The following FBXO31 variants were observed in gnomAD, a reference collection of about 807,000 sequenced individuals.
The protein encoded by FBXO31 is F-box protein 31.
Under a neutral mutation model 54.4 loss-of-function variants are expected in FBXO31, and 24 were observed. The observed-to-expected ratio is 0.44, with a 90% confidence interval of 0.32 to 0.62. FBXO31 has a LOEUF of 0.62. Ranked by LOEUF, FBXO31 falls within the 20% of genes least tolerant of loss-of-function variation. The pLI is 0.05. For missense variants in FBXO31, 665 were observed against 787.1 expected, an observed-to-expected ratio of 0.84 and a Z score of 1.86; for synonymous variants, 388 against 335.6, an observed-to-expected ratio of 1.16 and a Z score of -1.71.
At chr16:87,383,894 G>C (rs535352285), upstream of FBXO31, 9 of 500,962 alleles carry the variant, frequency 1.8e-5, no homozygotes, top group Non-Finnish European at 2.2e-5. The surrounding 1 kb of genome is among the most constrained non-coding windows in gnomAD (Gnocchi z 4.9). Flanking sequence ...CCCCGGCCGC[G>C]CCACCCCCTC....
chr16:87,378,797 T>C (rs1339471724), intron 1 of FBXO31, among the ~76,000 whole-genome samples: 2 of 151,760 alleles, frequency 1.3e-5, no homozygotes, highest in African/African-American at 2.4e-5. Flanking sequence ...CCGTCTCTAC[T>C]AAAAAGACAA....
At chr16:87,367,840 T>A (rs1398039729) in intron 1 of FBXO31, 4 of 152,256 alleles carry the variant, frequency 2.6e-5, no homozygotes, top group Non-Finnish European at 5.9e-5. Context: ...GCCAGTCCTC[T>A]GCAAGCCATC....
At chr16:87,369,803 G>T (rs1906521036) in intron 1 of FBXO31, among the ~76,000 whole-genome samples, 1 of 151,966 alleles carries the variant, frequency 6.6e-6, no homozygotes, top group African/African-American at 2.4e-5. Flanking sequence ...TTGAGACAGG[G>T]TCTCACTTTC....
At chr16:87,374,427 T>C (rs748152084) in intron 1 of FBXO31, among the ~76,000 whole-genome samples, 1 of 152,144 alleles carries the variant, frequency 6.6e-6, no homozygotes, top group Non-Finnish European at 1.5e-5. Context: ...GTTGACTATC[T>C]TGTGATTTAT....
chr16:87,365,039 A>ATATATATATATC (rs1295264152), intron 1 of FBXO31, among the ~76,000 whole-genome samples: 2 of 113,078 alleles, frequency 1.8e-5, no homozygotes, highest in African/African-American at 6.8e-5. Flanking sequence ...ATATATATAT[A>ATATATATATATC]TCAGGCAGGC....
Position 87,339,062 on chromosome 16 carries a change from A to G in FBXO31, c.733-2798T>C, listed in dbSNP as rs540428855. On this transcript the variant is annotated intron_variant, in intron 5 of 8. Coordinates refer to ENST00000311635, the MANE Select transcript of FBXO31 (RefSeq NM_024735.5). The stretch of plus-strand genomic sequence containing the variant: ...TTCCACCATGATTTGAGGCCTCCCC[A>G]GCCACATGGAACTGTGAGTCCATGC... 2.0e-5 allele frequency among the ~76,000 whole-genome samples: 3 copies of G among 152,286 alleles called. No homozygotes were observed. The East Asian group carries it at 5.8e-4, about 29-fold the overall frequency.
chr16:87,339,356 T>G (rs372215760), intron 5 of FBXO31, among the ~76,000 whole-genome samples: 1 of 152,144 alleles, frequency 6.6e-6, no homozygotes, highest in African/African-American at 2.4e-5. Flanking sequence ...TCCCAGCTGA[T>G]GCATGAATCC....
rs139174683 is a variant in FBXO31 at position 87,333,945 on chromosome 16, G to A, written c.1338C>T (p.Phe446=). Reference sequence around the variant, plus strand: ...TGGAGCTCACGCCCACGGGCAGCACGAACGGCTGCCCCTGCCCACACTGGG... The same window carrying A: ...TGGAGCTCACGCCCACGGGCAGCACAAACGGCTGCCCCTGCCCACACTGGG... ...QPAQCGQGQP[F]VLPVGVSSRN... is the part of the protein sequence containing the mutation. The change falls in exon 8 of 9, where the codon TTC becomes TTT. Residue 446 remains phenylalanine (F), a synonymous_variant. Transcript: ENST00000311635. 244 of 1,612,346 alleles carry A rather than the reference G, an allele frequency of 1.5e-4. No homozygotes were observed. The African/African-American group carries it at 2.2e-3, about 14-fold the overall frequency.
At chr16:87,388,006 A>G (rs1907385083), upstream of FBXO31, among the ~76,000 whole-genome samples, 2 of 152,250 alleles carry the variant, frequency 1.3e-5, no homozygotes, top group South Asian at 4.1e-4. Flanking sequence ...ACAGTTGCAC[A>G]CGTTAACAGT....
In FBXO31 at chr16:87,355,251, C is replaced by T. The variant is rs949002941; in HGVS notation, c.412+5044G>A. Among the ~76,000 whole-genome samples, 17 of 152,308 alleles carry T rather than the reference C, an allele frequency of 1.1e-4. 1 individual carries two copies. The highest frequency in any genetic ancestry group is 6.8e-3 in the Middle Eastern group (2 of 294). On this transcript the variant is annotated intron_variant, in intron 2 of 8. Coordinates refer to ENST00000311635, the MANE Select transcript of FBXO31 (RefSeq NM_024735.5). Reference sequence around the variant, plus strand: ...GCGCAAGGTCCAAAGGACTTCAACACGACCAGTTAACGGCCCACGTGAATG... The same window carrying T: ...GCGCAAGGTCCAAAGGACTTCAACATGACCAGTTAACGGCCCACGTGAATG...
chr16:87,331,535 G>A, intron 8 of FBXO31, 25 bp from the exon 9 acceptor site: 2 of 1,567,158 alleles, frequency 1.3e-6, no homozygotes, highest in East Asian at 2.3e-5. Flanking sequence ...GAGGGAAACT[G>A]TGAGCTGGGG....
At position 87,334,263 on chromosome 16, in the gene FBXO31, C is replaced by A; in HGVS notation, c.1020G>T (p.Gly340=). ...KITGDPNIPA[G]QQTVEIDLRH... ...TCAGGTCGATCTCCACTGTCTGCTG[C>A]CCAGCGGGGATGTTGGGGTCGCCCT... Residue 340 remains glycine (G), a synonymous_variant, in exon 8 of 9, where the codon GGG becomes GGT. Coordinates refer to ENST00000311635, the MANE Select transcript of FBXO31 (RefSeq NM_024735.5). 1.3e-6 allele frequency: 2 copies of A among 1,592,466 alleles called. No individual in the cohort carries two copies. Among genetic ancestry groups the A allele is most frequent in the Admixed American group, 1.7e-5 (1 of 58,520 alleles).
At chr16:87,366,225 A>G (rs1906363228) in intron 1 of FBXO31, among the ~76,000 whole-genome samples, 1 of 152,224 alleles carries the variant, frequency 6.6e-6, no homozygotes, top group Non-Finnish European at 1.5e-5. Flanking sequence ...TAATCATAAC[A>G]CATCATTATT....
intron 1 of FBXO31, chr16:87,368,052 A>G (rs1482176427): frequency 6.6e-6 from 1 of 152,238 alleles, no homozygotes; most frequent in African/African-American, 2.4e-5. Context: ...GGCCACCATC[A>G]TTCTCTGTAT....
In FBXO31 at chr16:87,338,706, C is replaced by G. The variant is rs1022917757; in HGVS notation, c.733-2442G>C. 6.6e-6 allele frequency among the ~76,000 whole-genome samples: 1 copy of G among 152,094 alleles called. No homozygotes were observed. The highest frequency in any genetic ancestry group is 1.5e-5 in the Non-Finnish European group (1 of 68,014). On this transcript the variant is annotated intron_variant, in intron 5 of 8. Transcript: ENST00000311635. The surrounding 1 kb of genome is among the most constrained non-coding windows in gnomAD (Gnocchi z 4.3). The stretch of plus-strand genomic sequence containing the variant: ...GACCCACACAGAGATGCAGGGATGC[C>G]AAAGAGACTGCATTGCCCTCGAAGC...
At chr16:87,391,244 C>T (rs573425340), upstream of FBXO31, among the ~76,000 whole-genome samples, 7 of 152,266 alleles carry the variant, frequency 4.6e-5, no homozygotes, top group Admixed American at 3.3e-4. Context: ...GCGACCGAGG[C>T]CGCCGCGAGC....
At chr16:87,352,689 G>T (rs957007450) in intron 2 of FBXO31, among the ~76,000 whole-genome samples, 1 of 152,182 alleles carries the variant, frequency 6.6e-6, no homozygotes, top group Non-Finnish European at 1.5e-5. Flanking sequence ...GGCCTCACAG[G>T]AGAGCCTGGG....
intron 1 of FBXO31, among the ~76,000 whole-genome samples, chr16:87,364,458 C>T (rs1337195347): frequency 1.3e-5 from 2 of 152,194 alleles, no homozygotes; most frequent in African/African-American, 2.4e-5. Context: ...GGCCAGTTCG[C>T]GCCGACTCTT....
At position 87,345,224 on chromosome 16, in the gene FBXO31, C is replaced by CA. The variant is rs1905333188; in HGVS notation, c.490-1460dup. Among the ~76,000 whole-genome samples the CA allele has an allele frequency of 6.6e-6, 1 of 152,062 alleles. No individual in the cohort carries two copies. The highest frequency in any genetic ancestry group is 1.5e-5 in the Non-Finnish European group (1 of 68,020). ...ATTTTCAACACAGCAAGAACGATGG[C>CA]AACAGTGACACCTCAGGGGCCAGCT... On this transcript the variant is annotated intron_variant, in intron 3 of 8. Transcript: ENST00000311635. The surrounding 1 kb of genome is among the most constrained non-coding windows in gnomAD (Gnocchi z 4.9).
Sources: gnomAD v4.1 joint callset for allele counts (sites outside exome capture counted in the v4.1 genomes callset) on GRCh38, gnomAD v4.1.1 for gene constraint, Gnocchi (gnomAD v3.1) non-coding constraint, MANE v1.5 for transcripts, NCBI Gene and HGNC (gene_info 2026-07-23, HGNC 2026-07-21) for gene names.